NEMF: variants seen among roughly 807,000 people sequenced by gnomAD.
The protein encoded by NEMF is nuclear export mediator factor, also known as ribosome quality control complex subunit NEMF.
Under a neutral mutation model 162.2 loss-of-function variants are expected in NEMF, and 89 were observed. The observed-to-expected ratio is 0.55, with a 90% CI of 0.46 to 0.65. The LOEUF is 0.65. Among genes scored for constraint, NEMF ranks in the 30% least tolerant of loss-of-function variants. The pLI, the probability that NEMF is intolerant of heterozygous loss-of-function variation, is 0.00. For synonymous variants in NEMF, 421 were observed against 404.5 expected, an observed-to-expected ratio of 1.04 and a Z score of -0.49; for missense variants, 1,133 against 1,261.9, an observed-to-expected ratio of 0.90 and a Z score of 1.55.
chr14:49,804,800 G>C (rs1248530955), intron 19 of NEMF, among the ~76,000 whole-genome samples: 2 of 152,162 alleles, frequency 1.3e-5, no homozygotes, highest in African/African-American at 4.8e-5. Flanking sequence ...GGAGGCGGAA[G>C]CAGGAGGATC....
At chr14:49,813,018 G>A (rs1031899086) in intron 18 of NEMF, among the ~76,000 whole-genome samples, 41 of 151,926 alleles carry the variant, frequency 2.7e-4, no homozygotes, top group African/African-American at 8.9e-4. Context: ...CTCACAATCT[G>A]CTTGCCTCAG....
intron 15 of NEMF, among the ~76,000 whole-genome samples, chr14:49,826,936 G>A (rs561035997): frequency 6.6e-6 from 1 of 152,252 alleles, no homozygotes; most frequent in East Asian, 1.9e-4. Flanking sequence ...ATGAAGAGAG[G>A]GGTCAAACTG....
intron 4 of NEMF, among the ~76,000 whole-genome samples, chr14:49,841,122 G>A (rs1399226931): frequency 6.7e-6 from 1 of 148,248 alleles, no homozygotes; most frequent in Non-Finnish European, 1.5e-5. Flanking sequence ...ACTTGAATCT[G>A]GGGGGTGGAG....
intron 3 of NEMF, 83 bp from the exon 4 acceptor site, chr14:49,846,348 T>C: frequency 1.6e-6 from 2 of 1,235,342 alleles, no homozygotes; most frequent in Non-Finnish European, 2.3e-6. Context: ...AAGCTTCTTT[T>C]CATTATCATC....
At chr14:49,822,359 A>G (rs1005718152) in intron 16 of NEMF, among the ~76,000 whole-genome samples, 16 of 151,688 alleles carry the variant, frequency 1.1e-4, no homozygotes, top group African/African-American at 1.5e-4. Context: ...AGGAAAAAAA[A>G]AAAGTACAAA....
In NEMF at chr14:49,850,028, T is replaced by C. The variant is rs557240745; in HGVS notation, c.231+1535A>G. ...ATAACTCAATGCCATAACAGATACA[T>C]TGCCAAAGTAAGGAGCGGAGCAGGA... On this transcript the variant is annotated intron_variant, in intron 3 of 32. Transcript: ENST00000298310. Among the ~76,000 whole-genome samples, 7 of 152,232 alleles carry C rather than the reference T, an allele frequency of 4.6e-5. No homozygotes were observed. The East Asian group carries it at 9.6e-4, about 21-fold the overall frequency.
intron 16 of NEMF, among the ~76,000 whole-genome samples, chr14:49,815,158 T>C (rs1054263015): frequency 2.6e-5 from 4 of 152,212 alleles, no homozygotes; most frequent in Non-Finnish European, 5.9e-5. Flanking sequence ...TAAAATGTCA[T>C]ATGGTCCTTA....
At chr14:49,850,468 A>G (rs1422771436) in intron 3 of NEMF, among the ~76,000 whole-genome samples, 1 of 152,218 alleles carries the variant, frequency 6.6e-6, no homozygotes, top group Admixed American at 6.5e-5. Context: ...ACATTTAAAG[A>G]AACTAAATTC....
chr14:49,841,016 G>A (rs972043922), intron 4 of NEMF, 150 bp from the exon 5 acceptor site: 35 of 619,842 alleles, frequency 5.6e-5, no homozygotes, highest in Non-Finnish European at 6.7e-5. Flanking sequence ...GGCCAACATG[G>A]TGAAATTCCA....
At chr14:49,852,565 C>G in intron 1 of NEMF, 130 bp downstream of exon 1, 1 of 966,388 alleles carries the variant, frequency 1.0e-6, no homozygotes, top group Non-Finnish European at 1.6e-6. Context: ...CCTGCCCACT[C>G]AGGCCTAGGC....
chr14:49,852,772 C>A lies in NEMF; in HGVS notation c.-19G>T. The A allele has an allele frequency of 1.2e-6, 2 of 1,614,140 alleles. No homozygotes were observed. The highest frequency in any genetic ancestry group is 1.1e-5 in the South Asian group (1 of 91,086). On this transcript the variant is annotated 5_prime_UTR_variant, in exon 1 of 33. Coordinates refer to ENST00000298310, the MANE Select transcript of NEMF (RefSeq NM_004713.6). ...TCTTCATGGCGAGGCCCGAGGGTCA[C>A]TACCGCAAGTTCCTCTACTGCCCGG...
intron 18 of NEMF, among the ~76,000 whole-genome samples, chr14:49,810,647 A>G (rs1171822943): frequency 1.3e-5 from 2 of 152,158 alleles, no homozygotes; most frequent in African/African-American, 2.4e-5. Context: ...TCCTTGCATT[A>G]CCACATGAAT....
chr14:49,813,693 GTGTGTC>G (rs776426603), intron 18 of NEMF, among the ~76,000 whole-genome samples: 1 of 116,904 alleles, frequency 8.6e-6, no homozygotes, highest in Non-Finnish European at 1.8e-5. Flanking sequence ...GTGTGTGTGT[GTGTGTC>G]ACCCAAGCTG....
At chr14:49,852,626 T>C in intron 1 of NEMF, 69 bp downstream of exon 1, 2 of 1,540,200 alleles carry the variant, frequency 1.3e-6, no homozygotes, top group Non-Finnish European at 1.8e-6. Context: ...CTGGTCTGTT[T>C]GCGCCATGGG....
chr14:49,800,835 A>C (rs527483998), intron 22 of NEMF, 139 bp from the exon 23 acceptor site: 5 of 736,422 alleles, frequency 6.8e-6, no homozygotes, highest in Non-Finnish European at 1.1e-5. Context: ...ATCATTCCCA[A>C]AGGGTACTCT....
chr14:49,784,471 T>C lies in NEMF; in HGVS notation c.*165A>G. On this transcript the variant is annotated 3_prime_UTR_variant, in exon 33 of 33. Transcript: ENST00000298310. ...TATCATAGACAGTGTTTCCTCTATA[T>C]AAAACTGGGAAAAAACAAGAAGTAA... 2 of 579,534 alleles carry C rather than the reference T, an allele frequency of 3.5e-6. No individual in the cohort carries two copies. Among genetic ancestry groups the C allele is most frequent in the East Asian group, 2.9e-5 (1 of 34,868 alleles). The allele number at this position is 579,534 out of a possible 1,614,324, so 35.9% of individuals were successfully genotyped here. A position where few individuals can be genotyped will look rare whatever the true frequency, so the allele number is the denominator to read the frequency against.
Position 49,784,198 on chromosome 14 carries a change from T to TTAAG in NEMF, c.*434_*437dup, listed in dbSNP as rs1491462011. On this transcript the variant is annotated 3_prime_UTR_variant, in exon 33 of 33. Coordinates refer to ENST00000298310, the MANE Select transcript of NEMF (RefSeq NM_004713.6). ...TATAAAACTGGGAAAAAAACAAGAA[T>TTAAG]TAAGTCCTTTTGGTGAATATAGCAA... 6.5e-6 allele frequency: 1 copy of TTAAG among 152,740 alleles called. No homozygotes were observed. Among genetic ancestry groups the TTAAG allele is most frequent in the African/African-American group, 2.4e-5 (1 of 41,312 alleles). 9.5% of individuals were successfully genotyped at this position (152,740 alleles called of 1,614,324 possible).
In NEMF at chr14:49,851,833, A is replaced by G. The variant is rs1244521545; in HGVS notation, c.102T>C (p.Asn34=). 1.3e-6 allele frequency: 2 copies of G among 1,586,186 alleles called. No individual in the cohort carries two copies. Among genetic ancestry groups the G allele is most frequent in the Admixed American group, 1.8e-5 (1 of 56,396 alleles). Residue 34 remains asparagine (N), a synonymous_variant, in exon 2 of 33, where the codon AAT becomes AAC. Transcript: ENST00000298310. ...TTTGAAGACGAATAAGGTATGTCTT[A>G]TTATCCACATCATAAACATTGTTTA... ...MRVNNVYDVD[N]KTYLIRLQKP...
At chr14:49,831,226 C>A in intron 11 of NEMF, 73 bp downstream of exon 11, 1 of 806,804 alleles carries the variant, frequency 1.2e-6, no homozygotes. Flanking sequence ...GAAAGGCTAC[C>A]CTTTCCTATA....
Sources: gnomAD v4.1 joint callset for allele counts (sites outside exome capture counted in the v4.1 genomes callset) on GRCh38, gnomAD v4.1.1 for gene constraint, MANE v1.5 for transcripts, NCBI Gene and HGNC (gene_info 2026-07-23, HGNC 2026-07-21) for gene names.